SRGAP1: variants seen among roughly 807,000 people sequenced by gnomAD.
SRGAP1 encodes the protein SLIT-ROBO Rho GTPase-activating protein 1.
Under a neutral mutation model 121.9 loss-of-function variants are expected in SRGAP1, and 43 were observed. That is an observed-to-expected ratio of 0.35 (90% confidence interval 0.28 to 0.46). The LOEUF is 0.46. Among genes scored for constraint, SRGAP1 ranks in the 20% least tolerant of loss-of-function variants. SRGAP1 has a pLI of 1.00. For synonymous variants in SRGAP1, 447 were observed against 485.4 expected, an observed-to-expected ratio of 0.92 and a Z score of 1.04; for missense variants, 1,102 against 1,350.9, an observed-to-expected ratio of 0.82 and a Z score of 2.89.
chr12:64,096,176 T>TTGGAAATTTTCCCA (rs2036151610), intron 14 of SRGAP1, among the ~76,000 whole-genome samples: 1 of 152,202 alleles, frequency 6.6e-6, no homozygotes, highest in South Asian at 2.1e-4. Flanking sequence ...TCATTTTTCC[T>TTGGAAATTTTCCCA]TGGAAATTTT....
intron 1 of SRGAP1, among the ~76,000 whole-genome samples, chr12:63,915,102 G>C (rs1038760386): frequency 6.6e-6 from 1 of 152,160 alleles, no homozygotes; most frequent in Non-Finnish European, 1.5e-5. Context: ...AATGAAAGTA[G>C]AGTCAAATAA....
At chr12:63,950,534 C>T (rs1316704713) in intron 1 of SRGAP1, among the ~76,000 whole-genome samples, 1 of 151,904 alleles carries the variant, frequency 6.6e-6, no homozygotes, top group African/African-American at 2.4e-5. Flanking sequence ...CTAGGTGGGC[C>T]CTTCTCTCCA....
At chr12:63,946,875 G>A (rs2032066297) in intron 1 of SRGAP1, among the ~76,000 whole-genome samples, 1 of 152,098 alleles carries the variant, frequency 6.6e-6, no homozygotes, top group African/African-American at 2.4e-5. Context: ...TATATAAATG[G>A]AATCATACAG....
chr12:64,097,175 G>T, intron 14 of SRGAP1, 66 bp from the exon 15 acceptor site: 6 of 1,491,406 alleles, frequency 4.0e-6, no homozygotes, highest in Non-Finnish European at 5.4e-6. Flanking sequence ...TATGTTCATA[G>T]AAATATATTT....
At chr12:64,077,435 T>C (rs1241963008) in intron 8 of SRGAP1, among the ~76,000 whole-genome samples, 2 of 150,320 alleles carry the variant, frequency 1.3e-5, no homozygotes, top group African/African-American at 4.9e-5. Context: ...GAATCTTGAC[T>C]ACATAAAATA....
At chr12:64,016,612 C>T (rs1203120503) in intron 3 of SRGAP1, among the ~76,000 whole-genome samples, 1 of 152,198 alleles carries the variant, frequency 6.6e-6, no homozygotes, top group Non-Finnish European at 1.5e-5. Flanking sequence ...TGTAAAATGT[C>T]ATGATCTAGT....
rs2037153948 is a variant in SRGAP1, at chr12:64,155,167, C to A, written c.*12495C>A. On this transcript the variant is annotated 3_prime_UTR_variant, in exon 22 of 22. Transcript: ENST00000355086. ...TCAAGTGATCCTCCCACCTCAGCCT[C>A]CCAAGTACGAGGGATTACAGGTGCA... is the stretch of plus-strand genomic sequence containing the variant. 6.6e-6 allele frequency: 1 copy of A among 152,222 alleles called. No individual in the cohort carries two copies. The highest frequency in any genetic ancestry group is 2.4e-5 in the African/African-American group (1 of 41,412). 9.4% of individuals were successfully genotyped at this position (152,222 alleles called of 1,614,324 possible).
In SRGAP1 at chr12:64,023,398, C is replaced by T. The variant is rs568599745; in HGVS notation, c.489+6386C>T. ...GGCCCAGTAAAGAGGTCATATGAAACGGGTTTAAAGTGTTAAGCCCGTCCC... is the reference window on the plus strand; with the variant it reads ...GGCCCAGTAAAGAGGTCATATGAAATGGGTTTAAAGTGTTAAGCCCGTCCC... On this transcript the variant is annotated intron_variant, in intron 4 of 21. Transcript: ENST00000355086. Among the ~76,000 whole-genome samples, 178 of 152,128 alleles carry T rather than the reference C, an allele frequency of 1.2e-3. 1 individual carries two copies. The highest frequency in any genetic ancestry group is 4.0e-3 in the African/African-American group (168 of 41,518).
rs2037146714 is a variant in SRGAP1, at chr12:64,154,252, A to T, written c.*11580A>T. 1 of 152,234 alleles carries T rather than the reference A, an allele frequency of 6.6e-6. No individual in the cohort carries two copies. Among genetic ancestry groups the T allele is most frequent in the African/African-American group, 2.4e-5 (1 of 41,470 alleles). The allele number at this position is 152,234 out of a possible 1,614,324, so 9.4% of individuals were successfully genotyped here. On this transcript the variant is annotated 3_prime_UTR_variant, in exon 22 of 22. Transcript: ENST00000355086. ...TATGCATGCAGATAACATCATATTA[A>T]ACATGGTTAAGATAGTAAATTTTAT...
chr12:63,890,254 G>A (rs1419868087), intron 1 of SRGAP1, among the ~76,000 whole-genome samples: 2 of 152,172 alleles, frequency 1.3e-5, no homozygotes, highest in African/African-American at 4.8e-5. Flanking sequence ...GAAGAGCCAC[G>A]CTTATACTTT....
At chr12:63,925,979 C>T (rs2031247208) in intron 1 of SRGAP1, among the ~76,000 whole-genome samples, 2 of 152,182 alleles carry the variant, frequency 1.3e-5, no homozygotes, top group African/African-American at 4.8e-5. Flanking sequence ...AAGATGGTCC[C>T]TTATTGCAGG....
intron 10 of SRGAP1, among the ~76,000 whole-genome samples, 191 bp from the exon 11 acceptor site, chr12:64,086,808 T>A (rs1200096419): frequency 6.6e-6 from 1 of 151,912 alleles, no homozygotes; most frequent in African/African-American, 2.4e-5. Context: ...ATTTTATGTA[T>A]AGATTTTATG....
intron 1 of SRGAP1, among the ~76,000 whole-genome samples, chr12:63,917,885 A>G (rs1373776813): frequency 6.6e-6 from 1 of 151,236 alleles, no homozygotes; most frequent in African/African-American, 2.4e-5. Context: ...TCCTACAGAA[A>G]ACCGTGAATA....
At chr12:64,137,194 G>A (rs144723770) in intron 21 of SRGAP1, among the ~76,000 whole-genome samples, 1,744 of 152,036 alleles carry the variant, frequency 0.011, 36 homozygotes, top group African/African-American at 0.04. Flanking sequence ...AACCCAGGAG[G>A]CGGAGGTCGC....
intron 7 of SRGAP1, among the ~76,000 whole-genome samples, chr12:64,064,377 C>A (rs918667825): frequency 2.0e-5 from 3 of 152,112 alleles, no homozygotes; most frequent in South Asian, 4.1e-4. Flanking sequence ...TTGAACTTAT[C>A]CATAATTGAG....
intron 1 of SRGAP1, among the ~76,000 whole-genome samples, chr12:63,973,622 C>G (rs913994195): frequency 1.3e-5 from 2 of 152,092 alleles, no homozygotes; most frequent in African/African-American, 2.4e-5. Flanking sequence ...AAAGTCTAAA[C>G]TTTTCTAGTA....
intron 1 of SRGAP1, among the ~76,000 whole-genome samples, chr12:63,851,396 C>T (rs1899068316): frequency 6.6e-6 from 1 of 151,826 alleles, no homozygotes; most frequent in Admixed American, 6.6e-5. Context: ...AGTTCGAGAC[C>T]AGCCTGGTCA....
chr12:63,881,101 G>A (rs1340684619), intron 1 of SRGAP1, among the ~76,000 whole-genome samples: 1 of 152,214 alleles, frequency 6.6e-6, no homozygotes, highest in African/African-American at 2.4e-5. Context: ...ACTGGAAAGT[G>A]TCAGGGCCAC....
At chr12:63,945,763 G>A (rs892331516) in intron 1 of SRGAP1, among the ~76,000 whole-genome samples, 1 of 152,312 alleles carries the variant, frequency 6.6e-6, no homozygotes, top group African/African-American at 2.4e-5. Flanking sequence ...AATCTTGGGT[G>A]AAGTGGCTCT....
Sources: gnomAD v4.1 joint callset for allele counts (sites outside exome capture counted in the v4.1 genomes callset) on GRCh38, gnomAD v4.1.1 for gene constraint, MANE v1.5 for transcripts, NCBI Gene and HGNC (gene_info 2026-07-23, HGNC 2026-07-21) for gene names.